The following SANBR variants were observed in gnomAD, a reference collection of about 807,000 sequenced individuals.
SANBR encodes SANT and BTB domain regulator of class switch recombination.
SANBR carries 77 observed loss-of-function variants against 101.8 expected under a neutral mutation model. That is an observed-to-expected ratio of 0.76 (90% CI 0.63 to 0.91). The LOEUF (loss-of-function observed/expected upper bound fraction) is 0.91, where lower values mean the gene tolerates loss of function less well. Among genes scored for constraint, SANBR ranks in the 40% least tolerant of loss-of-function variants. SANBR has a pLI of 0.00. For synonymous variants in SANBR, 279 were observed against 274.7 expected (o/e 1.02, Z -0.15); for missense variants, 875 against 853.0 (o/e 1.03, Z -0.32).
intron 11 of SANBR, among the ~76,000 whole-genome samples, chr2:61,093,011 T>C (rs1392361205): frequency 2.6e-5 from 4 of 152,090 alleles, no homozygotes. Context: ...CACATGCCTG[T>C]AATCCCAGCT....
intron 21 of SANBR, among the ~76,000 whole-genome samples, chr2:61,135,270 T>C (rs1684809929): frequency 6.6e-6 from 1 of 152,176 alleles, no homozygotes; most frequent in South Asian, 2.1e-4. Flanking sequence ...TTAGTATATA[T>C]CACGAACAAG....
At chr2:61,084,634 T>C (rs2104881480) in intron 8 of SANBR, among the ~76,000 whole-genome samples, 1 of 152,202 alleles carries the variant, frequency 6.6e-6, no homozygotes, top group African/African-American at 2.4e-5. Flanking sequence ...AGTGGTTATA[T>C]CATTTAAGGG....
At chr2:61,094,152 T>C in intron 11 of SANBR, 3 of 800,706 alleles carry the variant, frequency 3.7e-6, no homozygotes, top group Non-Finnish European at 4.5e-6. Context: ...TGAAGTATTA[T>C]ATACAGTAAA....
Position 61,088,358 on chromosome 2 carries a change from A to T in SANBR, c.978A>T (p.Arg326Ser). Residue 326 changes from arginine (R) to serine (S), a missense_variant and splice_region_variant, in exon 10 of 22, where the codon AGA becomes AGT. Arg to Ser is a moderately radical substitution (Grantham distance 110). Transcript: ENST00000402291. ...DSRSNAATLY[R>S]CCLCKKLLTK... Reference sequence around the variant, plus strand: ...TTTTTTGTATCTTCTTTGTTTATAGATGCTGTTTGTGTAAGAAACTTTTAA... The same window carrying T: ...TTTTTTGTATCTTCTTTGTTTATAGTTGCTGTTTGTGTAAGAAACTTTTAA... 1 of 1,584,108 alleles carries T rather than the reference A, an allele frequency of 6.3e-7. No individual in the cohort carries two copies. The highest frequency in any genetic ancestry group is 1.2e-5 in the South Asian group (1 of 85,878).
At chr2:61,104,131 A>G (rs989825230) in intron 13 of SANBR, 133 bp downstream of exon 13, 1 of 735,734 alleles carries the variant, frequency 1.4e-6, no homozygotes, top group Non-Finnish European at 2.2e-6. Flanking sequence ...AACTGAAATT[A>G]TATGTTAGCT....
intron 13 of SANBR, among the ~76,000 whole-genome samples, chr2:61,105,237 G>A (rs1187133934): frequency 3.9e-5 from 6 of 152,032 alleles, no homozygotes; most frequent in Non-Finnish European, 8.8e-5. Flanking sequence ...ATGGTGGCAG[G>A]TGCCTGTAAT....
chr2:61,101,335 T>G (rs986777534), intron 12 of SANBR, among the ~76,000 whole-genome samples: 26 of 152,220 alleles, frequency 1.7e-4, no homozygotes, highest in Admixed American at 1.3e-4. Flanking sequence ...ATTTCTACAT[T>G]AATTTGTAAC....
intron 5 of SANBR, among the ~76,000 whole-genome samples, chr2:61,076,272 T>C (rs898550957): frequency 4.7e-5 from 7 of 148,792 alleles, no homozygotes; most frequent in East Asian, 2.1e-4. Flanking sequence ...GGATTACAGG[T>C]GTGAGCCACC....
At chr2:61,136,289 G>C (rs938685556) in intron 21 of SANBR, among the ~76,000 whole-genome samples, 2 of 150,566 alleles carry the variant, frequency 1.3e-5, no homozygotes, top group Non-Finnish European at 3.0e-5. Context: ...GGGCAACAGA[G>C]CGAGACTCGT....
At chr2:61,128,897 G>A (rs1280568182), downstream of SANBR, among the ~76,000 whole-genome samples, 1 of 152,044 alleles carries the variant, frequency 6.6e-6, no homozygotes, top group Non-Finnish European at 1.5e-5. Context: ...AGGAGTTGGA[G>A]GCTGCAGTGA....
downstream of SANBR, among the ~76,000 whole-genome samples, chr2:61,128,774 G>A (rs537844896): frequency 1.3e-5 from 2 of 152,088 alleles, no homozygotes; most frequent in Non-Finnish European, 2.9e-5. Flanking sequence ...GATTACTAGC[G>A]TGAGCCACCG....
intron 10 of SANBR, chr2:61,088,857 A>G: frequency 1.0e-6 from 1 of 970,222 alleles, no homozygotes; most frequent in Non-Finnish European, 1.2e-6. Context: ...CATATTTATA[A>G]AAATATAACT....
At chr2:61,076,826 AC>A (rs1341756483) in intron 5 of SANBR, 93 bp from the exon 6 acceptor site, 1 of 861,312 alleles carries the variant, frequency 1.2e-6, no homozygotes, top group Non-Finnish European at 1.8e-6. Flanking sequence ...ATTTTCAAAA[AC>A]ATCTTGTTCT....
exon 22 of SANBR, chr2:61,137,476 C>T (rs1684886555): frequency 6.6e-6 from 1 of 152,148 alleles, no homozygotes; most frequent in South Asian, 2.1e-4. Flanking sequence ...GAGGCAGAGA[C>T]ACAAAGATAT....
chr2:61,135,161 A>ATAAC (rs1239815915), intron 21 of SANBR, among the ~76,000 whole-genome samples: 1 of 152,220 alleles, frequency 6.6e-6, no homozygotes, highest in East Asian at 1.9e-4. Flanking sequence ...AATGGCAGAT[A>ATAAC]TAACTGTTGG....
downstream of SANBR, among the ~76,000 whole-genome samples, chr2:61,126,200 C>T (rs759029783): frequency 9.2e-5 from 14 of 152,190 alleles, no homozygotes; most frequent in Non-Finnish European, 2.1e-4. Flanking sequence ...TATTGCCTAC[C>T]GAAGTGCACA....
chr2:61,135,560 T>C (rs752949253), intron 21 of SANBR, among the ~76,000 whole-genome samples: 4 of 152,188 alleles, frequency 2.6e-5, no homozygotes, highest in Admixed American at 1.3e-4. Context: ...TGTGACATGA[T>C]AATCGTTAAA....
intron 11 of SANBR, among the ~76,000 whole-genome samples, chr2:61,096,078 T>G (rs1683016472): frequency 6.6e-6 from 1 of 151,980 alleles, no homozygotes; most frequent in South Asian, 2.1e-4. Flanking sequence ...TCTTACAAAC[T>G]TTCTACCTCC....
At chr2:61,069,613 G>A (rs1681354261) in intron 2 of SANBR, 1 of 152,236 alleles carries the variant, frequency 6.6e-6, no homozygotes, top group African/African-American at 2.4e-5. Flanking sequence ...CAAAACTTTT[G>A]TCATTATTTT....
Sources: gnomAD v4.1 joint callset for allele counts (sites outside exome capture counted in the v4.1 genomes callset) on GRCh38, gnomAD v4.1.1 for gene constraint, MANE v1.5 for transcripts, NCBI Gene and HGNC (gene_info 2026-07-23, HGNC 2026-07-21) for gene names.